The following TSPAN5 variants were observed in gnomAD, a reference collection of about 807,000 sequenced individuals.
TSPAN5 encodes the protein tetraspanin 5, also known as tetraspanin-5.
TSPAN5 carries 10 observed loss-of-function variants against 37.1 expected under a neutral mutation model. The ratio of observed to expected loss-of-function variants is 0.27; its 90% CI spans 0.17 to 0.46. The LOEUF is 0.46. Among genes scored for constraint, TSPAN5 ranks in the 20% least tolerant of loss-of-function variants. TSPAN5 has a pLI of 1.00. For missense variants in TSPAN5, 195 were observed against 326.6 expected, an observed-to-expected ratio of 0.60 and a Z score of 3.11; for synonymous variants, 110 against 118.9, an observed-to-expected ratio of 0.93 and a Z score of 0.48.
rs945117908 is a variant in TSPAN5, at chr4:98,473,617, G to A, written c.742-1030C>T. Among the ~76,000 whole-genome samples, 6 of 151,870 alleles carry A rather than the reference G, an allele frequency of 4.0e-5. 1 individual carries two copies. The highest frequency in any genetic ancestry group is 4.2e-4 in the South Asian group (2 of 4,814). On this transcript the variant is annotated intron_variant, in intron 7 of 7. Transcript: ENST00000305798. ...TGGGACTACAGGCGCCCGCCACCGC[G>A]CCCGGCTAATTTTTTGTATTTTTAG...
intron 2 of TSPAN5, among the ~76,000 whole-genome samples, chr4:98,487,368 A>G (rs1415472240): frequency 1.3e-5 from 2 of 152,132 alleles, no homozygotes; most frequent in Non-Finnish European, 1.5e-5. Flanking sequence ...AAACAAACAA[A>G]AAAAGACAGA....
At chr4:98,497,556 C>T (rs1753242396) in intron 2 of TSPAN5, among the ~76,000 whole-genome samples, 1 of 152,146 alleles carries the variant, frequency 6.6e-6, no homozygotes, top group Non-Finnish European at 1.5e-5. Context: ...AGGCTCTGAT[C>T]ATGGTGCCCC....
chr4:98,510,062 A>C (rs1753571811), intron 1 of TSPAN5: 1 of 151,994 alleles, frequency 6.6e-6, no homozygotes, highest in Non-Finnish European at 1.5e-5. Context: ...GATCGCTAAG[A>C]TTTGTTTTTA....
At chr4:98,508,522 CTTTTTTTTTT>C (rs34342433) in intron 1 of TSPAN5, among the ~76,000 whole-genome samples, 3 of 121,930 alleles carry the variant, frequency 2.5e-5, no homozygotes, top group Non-Finnish European at 3.4e-5. Context: ...TACTGTTTTT[CTTTTTTTTTT>C]TTTTTTTTTT....
chr4:98,584,318 T>G (rs922605488), intron 1 of TSPAN5, among the ~76,000 whole-genome samples: 1 of 152,224 alleles, frequency 6.6e-6, no homozygotes, highest in Non-Finnish European at 1.5e-5. Flanking sequence ...TCCCATTATA[T>G]GCAAGCAGTG....
At chr4:98,486,655 T>G (rs1752965619) in intron 3 of TSPAN5, 83 bp downstream of exon 3, 6 of 1,529,278 alleles carry the variant, frequency 3.9e-6, no homozygotes, top group African/African-American at 1.4e-5. Flanking sequence ...TACAGCTCAC[T>G]GTCTTGCCTG....
At chr4:98,562,722 C>T (rs1414551458) in intron 1 of TSPAN5, among the ~76,000 whole-genome samples, 2 of 151,888 alleles carry the variant, frequency 1.3e-5, no homozygotes, top group Non-Finnish European at 1.5e-5. Context: ...AAGAACTATA[C>T]GGGGAGGACT....
intron 1 of TSPAN5, among the ~76,000 whole-genome samples, chr4:98,633,219 T>G (rs1242168976): frequency 6.6e-6 from 1 of 152,204 alleles, no homozygotes; most frequent in African/African-American, 2.4e-5. Context: ...TAGGGTGGCC[T>G]TGTAATCTCC....
intron 7 of TSPAN5, 77 bp downstream of exon 7, chr4:98,476,112 A>G: frequency 2.6e-6 from 3 of 1,132,610 alleles, no homozygotes; most frequent in Non-Finnish European, 3.9e-6. Context: ...AAGGTTTTTA[A>G]GCAAAGCTCC....
At chr4:98,495,301 G>A (rs1431685044) in intron 2 of TSPAN5, among the ~76,000 whole-genome samples, 8 of 152,166 alleles carry the variant, frequency 5.3e-5, no homozygotes, top group Admixed American at 2.6e-4. Flanking sequence ...AGGCCGAGGC[G>A]GGTGGATCAA....
At chr4:98,643,239 A>G (rs528133496) in intron 1 of TSPAN5, among the ~76,000 whole-genome samples, 2 of 152,182 alleles carry the variant, frequency 1.3e-5, no homozygotes, top group Non-Finnish European at 2.9e-5. Flanking sequence ...TTACCATAAC[A>G]TGCTATACAA....
chr4:98,623,389 CA>C (rs1756525543), intron 1 of TSPAN5, among the ~76,000 whole-genome samples: 2 of 152,176 alleles, frequency 1.3e-5, no homozygotes, highest in Non-Finnish European at 2.9e-5. Context: ...ATAATTCCTC[CA>C]CACACCCTCC....
At chr4:98,639,861 T>C (rs1480220978) in intron 1 of TSPAN5, among the ~76,000 whole-genome samples, 4 of 152,168 alleles carry the variant, frequency 2.6e-5, no homozygotes, top group Non-Finnish European at 5.9e-5. Flanking sequence ...CCAGAAATCT[T>C]TACTTAGTTA....
At chr4:98,551,807 T>A (rs1227172914) in intron 1 of TSPAN5, among the ~76,000 whole-genome samples, 1 of 151,988 alleles carries the variant, frequency 6.6e-6, no homozygotes, top group Non-Finnish European at 1.5e-5. Context: ...GCCTCCTTTG[T>A]ATGTTTGAAA....
chr4:98,642,548 T>A (rs1355379638), intron 1 of TSPAN5, among the ~76,000 whole-genome samples: 1 of 152,186 alleles, frequency 6.6e-6, no homozygotes, highest in South Asian at 2.1e-4. Context: ...TAGTCTCTTA[T>A]GAATGAAAAT....
At chr4:98,610,292 G>A (rs1257502006) in intron 1 of TSPAN5, among the ~76,000 whole-genome samples, 1 of 152,166 alleles carries the variant, frequency 6.6e-6, no homozygotes, top group Non-Finnish European at 1.5e-5. Flanking sequence ...ATCCCCTCAT[G>A]AGGGGGAGCC....
At chr4:98,549,408 T>G (rs1475354394) in intron 1 of TSPAN5, among the ~76,000 whole-genome samples, 1 of 151,874 alleles carries the variant, frequency 6.6e-6, no homozygotes, top group Non-Finnish European at 1.5e-5. Context: ...GTTTAAGCAA[T>G]TCTCCTGCCT....
At chr4:98,542,721 A>T (rs1418188318) in intron 1 of TSPAN5, among the ~76,000 whole-genome samples, 2 of 15,960 alleles carry the variant, frequency 1.3e-4, no homozygotes, top group African/African-American at 1.3e-3. Flanking sequence ...CATCTCTTTA[A>T]AAAAAAAAAA....
intron 1 of TSPAN5, among the ~76,000 whole-genome samples, chr4:98,626,755 C>G (rs1345088385): frequency 1.3e-5 from 2 of 152,106 alleles, no homozygotes; most frequent in Non-Finnish European, 2.9e-5. Flanking sequence ...CTGCCCATCC[C>G]TTTTCCTGCC....
Sources: allele counts gnomAD v4.1 joint callset (sites outside exome capture counted in the v4.1 genomes callset), GRCh38; gene constraint gnomAD v4.1.1; transcripts MANE v1.5; gene names NCBI Gene and HGNC (gene_info 2026-07-23, HGNC 2026-07-21).